Variants in SNTG1 observed in about 807,000 individuals in gnomAD.
The protein encoded by SNTG1 is gamma-1-syntrophin.
SNTG1 carries 39 observed loss-of-function variants against 74.7 expected under a neutral mutation model. The ratio of observed to expected loss-of-function variants is 0.52; its 90% CI spans 0.40 to 0.68. The LOEUF is 0.68. Among genes scored for constraint, SNTG1 ranks in the 30% least tolerant of loss-of-function variants. The probability of loss-of-function intolerance (pLI) is 0.00; values close to 1 mark genes in which losing one functional copy is unlikely to be tolerated. For missense variants in SNTG1, 685 were observed against 609.5 expected (o/e 1.12, Z -1.30); for synonymous variants, 254 against 217.1 (o/e 1.17, Z -1.49).
rs537994967 is a variant in SNTG1, at chr8:50,061,296, A to G, written c.-102-111265A>G. On this transcript the variant is annotated intron_variant, in intron 1 of 18. Transcript: ENST00000642720. ...TTTACAGTTTGTAGTTTTCTGTCGAACTTCTGAACATAAAGTTGTTTATAG... is the reference window on the plus strand; with the variant it reads ...TTTACAGTTTGTAGTTTTCTGTCGAGCTTCTGAACATAAAGTTGTTTATAG... Among the ~76,000 whole-genome samples the G allele has an allele frequency of 2.7e-5, 4 of 149,354 alleles. No homozygotes were observed. In the South Asian group the frequency reaches 8.3e-4, roughly 31 times the overall value.
At chr8:50,711,115 C>G (rs1474966394) in intron 17 of SNTG1, among the ~76,000 whole-genome samples, 7 of 152,126 alleles carry the variant, frequency 4.6e-5, no homozygotes, top group Admixed American at 4.6e-4. Context: ...GCTGGGCTGA[C>G]TGCAAGAAAC....
At chr8:50,014,685 C>A (rs1325547674) in intron 1 of SNTG1, among the ~76,000 whole-genome samples, 2 of 152,018 alleles carry the variant, frequency 1.3e-5, no homozygotes, top group Admixed American at 6.6e-5. Flanking sequence ...GATCTATAGG[C>A]AAGCAATGTA....
At chr8:50,286,358 A>G (rs756608649) in intron 2 of SNTG1, among the ~76,000 whole-genome samples, 2 of 152,250 alleles carry the variant, frequency 1.3e-5, no homozygotes, top group East Asian at 3.9e-4. Flanking sequence ...TGGGTTTTGA[A>G]TGTGTTTTCT....
intron 11 of SNTG1, among the ~76,000 whole-genome samples, chr8:50,550,778 C>A (rs1007603427): frequency 6.6e-6 from 1 of 151,828 alleles, no homozygotes; most frequent in Non-Finnish European, 1.5e-5. Flanking sequence ...TCTCACAATG[C>A]TAAATTAATG....
At chr8:50,341,880 A>G (rs529426667) in intron 2 of SNTG1, among the ~76,000 whole-genome samples, 1 of 152,162 alleles carries the variant, frequency 6.6e-6, no homozygotes, top group South Asian at 2.1e-4. Flanking sequence ...TTAACTTTTT[A>G]TTCATTTTGA....
At chr8:50,283,916 A>T (rs1295816278) in intron 2 of SNTG1, among the ~76,000 whole-genome samples, 4 of 152,156 alleles carry the variant, frequency 2.6e-5, no homozygotes, top group Non-Finnish European at 5.9e-5. Context: ...ATCGTTTATG[A>T]TTAACATAGT....
At chr8:50,106,958 T>C (rs1279551830) in intron 1 of SNTG1, among the ~76,000 whole-genome samples, 2 of 152,162 alleles carry the variant, frequency 1.3e-5, no homozygotes, top group Non-Finnish European at 2.9e-5. Flanking sequence ...TTAACTCTTG[T>C]TCCTAAATTA....
At chr8:50,083,613 T>C (rs1279222019) in intron 1 of SNTG1, among the ~76,000 whole-genome samples, 1 of 152,198 alleles carries the variant, frequency 6.6e-6, no homozygotes, top group Non-Finnish European at 1.5e-5. Flanking sequence ...AGAATTCTGT[T>C]AATCAGAAAT....
intron 2 of SNTG1, among the ~76,000 whole-genome samples, chr8:50,228,580 A>C (rs1243394396): frequency 6.6e-6 from 1 of 151,886 alleles, no homozygotes; most frequent in Non-Finnish European, 1.5e-5. Flanking sequence ...ATTACAAGAG[A>C]CTTCTCATCA....
intron 17 of SNTG1, among the ~76,000 whole-genome samples, chr8:50,720,600 G>C (rs2095485456): frequency 6.6e-6 from 1 of 152,146 alleles, no homozygotes; most frequent in African/African-American, 2.4e-5. Flanking sequence ...ACTCAAGAGG[G>C]ATAATGCCAA....
At chr8:50,199,794 C>T (rs1381495074) in intron 2 of SNTG1, among the ~76,000 whole-genome samples, 1 of 152,130 alleles carries the variant, frequency 6.6e-6, no homozygotes, top group African/African-American at 2.4e-5. Flanking sequence ...CTTATCTTAG[C>T]AGAGAGTGCA....
intron 2 of SNTG1, among the ~76,000 whole-genome samples, chr8:50,324,038 G>A (rs1312361034): frequency 6.6e-6 from 1 of 152,128 alleles, no homozygotes; most frequent in Non-Finnish European, 1.5e-5. Context: ...ACTAGGATTT[G>A]CCTAGCAATT....
chr8:50,698,407 C>T (rs763679741), intron 15 of SNTG1, among the ~76,000 whole-genome samples: 4 of 152,072 alleles, frequency 2.6e-5, no homozygotes, highest in Admixed American at 2.0e-4. Flanking sequence ...CACAAGCTGC[C>T]CCAGGCCTTA....
chr8:50,317,986 G>C lies in SNTG1; in HGVS notation c.-27-76226G>C, dbSNP rs1238917836. 2.8e-4 allele frequency among the ~76,000 whole-genome samples: 42 copies of C among 152,008 alleles called. 1 individual carries two copies. The highest frequency in any genetic ancestry group is 2.8e-3 in the Admixed American group (42 of 15,272). ...CCAGTAGCTGGGACTACAGGCGCTCGCCACCACGCCCGGCTAATTTTTTGT... is the reference window on the plus strand; with the variant it reads ...CCAGTAGCTGGGACTACAGGCGCTCCCCACCACGCCCGGCTAATTTTTTGT... On this transcript the variant is annotated intron_variant, in intron 2 of 18. Transcript: ENST00000642720.
At chr8:50,613,750 GAA>G (rs1159698713) in intron 13 of SNTG1, among the ~76,000 whole-genome samples, 4 of 150,878 alleles carry the variant, frequency 2.7e-5, no homozygotes, top group African/African-American at 9.9e-5. Context: ...CTTTTTAGAA[GAA>G]GTTTTTTAAC....
At chr8:50,384,058 C>T (rs1388290531) in intron 2 of SNTG1, among the ~76,000 whole-genome samples, 2 of 152,178 alleles carry the variant, frequency 1.3e-5, no homozygotes, top group African/African-American at 4.8e-5. Flanking sequence ...GAGAGTAATA[C>T]TGAGAGGCAC....
chr8:50,687,527 A>G lies in SNTG1; in HGVS notation c.1039-17073A>G, dbSNP rs574812558. 9.8e-5 allele frequency among the ~76,000 whole-genome samples: 15 copies of G among 152,366 alleles called. No individual in the cohort carries two copies. In the South Asian group the frequency reaches 3.1e-3, roughly 32 times the overall value. ...AAGCAGATGCTGAATCAAAAACTAT[A>G]AAAGGAGACAAGGAGCAACATTATG... On this transcript the variant is annotated intron_variant, in intron 15 of 18. Transcript: ENST00000642720.
intron 2 of SNTG1, among the ~76,000 whole-genome samples, chr8:50,230,756 A>G (rs890663678): frequency 2.6e-5 from 4 of 151,284 alleles, no homozygotes; most frequent in African/African-American, 9.7e-5. Context: ...ACTCAAAAGT[A>G]TTAGAGACTC....
chr8:50,411,506 G>A (rs747542583), intron 4 of SNTG1, among the ~76,000 whole-genome samples: 5 of 151,700 alleles, frequency 3.3e-5, no homozygotes, highest in African/African-American at 7.3e-5. Context: ...AACAGAAGGA[G>A]GAAGGGAAAC....
Sources: allele counts gnomAD v4.1 joint callset (sites outside exome capture counted in the v4.1 genomes callset), GRCh38; gene constraint gnomAD v4.1.1; transcripts MANE v1.5; gene names NCBI Gene and HGNC (gene_info 2026-07-23, HGNC 2026-07-21).